Variants in ZNF850 observed in about 807,000 individuals in gnomAD.
ZNF850 encodes the protein zinc finger protein 850.
A neutral mutation model predicts 11.9 loss-of-function variants in ZNF850; 2 were observed. The observed-to-expected ratio is 0.17, with a 90% confidence interval of 0.07 to 0.53. The LOEUF (loss-of-function observed/expected upper bound fraction) is 0.53. Among genes scored for constraint, ZNF850 ranks in the 20% least tolerant of loss-of-function variants. ZNF850 has a pLI of 0.94. For synonymous variants in ZNF850, 381 were observed against 443.0 expected, an observed-to-expected ratio of 0.86 and a Z score of 1.76; for missense variants, 1,014 against 1,316.4, an observed-to-expected ratio of 0.77 and a Z score of 3.55.
chr19:36,747,497 G>A lies in ZNF850; in HGVS notation c.*270C>T, dbSNP rs768565184. On this transcript the variant is annotated 3_prime_UTR_variant, in exon 5 of 5. Coordinates refer to ENST00000591344, the MANE Select transcript of ZNF850 (RefSeq NM_001193552.2). Reference sequence around the variant, plus strand: ...ACAAAAACAAAAAAATTAGCCAGGCGTGGTGGCAGGTACCTGTAGTCCCAG... The same window carrying A: ...ACAAAAACAAAAAAATTAGCCAGGCATGGTGGCAGGTACCTGTAGTCCCAG... 21 of 283,400 alleles carry A rather than the reference G, an allele frequency of 7.4e-5. No individual in the cohort carries two copies. Among genetic ancestry groups the A allele is most frequent in the African/African-American group, 2.4e-4 (11 of 45,780 alleles). 17.6% of individuals were successfully genotyped at this position (283,400 alleles called of 1,614,324 possible). A position where few individuals can be genotyped will look rare whatever the true frequency, so the allele number is the denominator to read the frequency against.
At chr19:36,772,203 T>A (rs1290753868) in intron 1 of ZNF850, among the ~76,000 whole-genome samples, 3 of 152,182 alleles carry the variant, frequency 2.0e-5, no homozygotes, top group African/African-American at 7.2e-5. Context: ...TCCTTATGTA[T>A]GCCTGCAGCC....
At chr19:36,755,400 T>C (rs2040479666) in intron 4 of ZNF850, among the ~76,000 whole-genome samples, 1 of 152,058 alleles carries the variant, frequency 6.6e-6, no homozygotes, top group South Asian at 2.1e-4. Flanking sequence ...CTAATTTTTG[T>C]ATTTTTAGTA....
rs371664238 is a variant in ZNF850 at position 36,753,518 on chromosome 19, G to A, written c.236-2714C>T. ...TAAGGCGGGAGGATCACCTGAGCCC[G>A]GAAAGTCAATGCTGCAATGAGCTGT... On this transcript the variant is annotated intron_variant, in intron 4 of 4. Coordinates refer to ENST00000591344, the MANE Select transcript of ZNF850 (RefSeq NM_001193552.2). 6.9e-4 allele frequency among the ~76,000 whole-genome samples: 101 copies of A among 147,354 alleles called. 2 individuals are homozygous for A. The highest frequency in any genetic ancestry group is 4.5e-3 in the Admixed American group (65 of 14,482).
At chr19:36,764,563 T>C (rs2040538312) in intron 1 of ZNF850, among the ~76,000 whole-genome samples, 1 of 152,134 alleles carries the variant, frequency 6.6e-6, no homozygotes, top group African/African-American at 2.4e-5. Flanking sequence ...ATAGAAGGCA[T>C]TTTCCAAAGA....
intron 4 of ZNF850, 39 bp from the exon 5 acceptor site, chr19:36,750,843 T>C: frequency 6.9e-7 from 1 of 1,455,156 alleles, no homozygotes; most frequent in Non-Finnish European, 9.0e-7. Flanking sequence ...AGCATTTCCT[T>C]GTTGAGTAGA....
At chr19:36,754,859 G>A (rs2040476344) in intron 4 of ZNF850, among the ~76,000 whole-genome samples, 1 of 152,182 alleles carries the variant, frequency 6.6e-6, no homozygotes, top group East Asian at 1.9e-4. Context: ...ACGGCTGATT[G>A]TGGGAGATTT....
rs964580391 is a variant in ZNF850, at chr19:36,747,387, G to A, written c.*380C>T. ...TTATCAATTTCTTTCAGTATTAAAT[G>A]TCCTAATTTTGGTGGGTGGATCACC... On this transcript the variant is annotated 3_prime_UTR_variant, in exon 5 of 5. Coordinates refer to ENST00000591344, the MANE Select transcript of ZNF850 (RefSeq NM_001193552.2). The A allele has an allele frequency of 6.0e-6, 1 of 167,100 alleles. No individual in the cohort carries two copies. The highest frequency in any genetic ancestry group is 1.3e-5 in the Non-Finnish European group (1 of 76,834). 10.4% of individuals were successfully genotyped at this position (167,100 alleles called of 1,614,324 possible).
rs1022619023 is a variant in ZNF850, at chr19:36,764,766, G to A, written c.-69-2091C>T. Among the ~76,000 whole-genome samples the A allele has an allele frequency of 5.7e-5, 7 of 123,720 alleles. No individual in the cohort carries two copies. The South Asian group carries it at 7.6e-4, about 13-fold the overall frequency. The allele number at this position is 123,720 out of a possible 152,430, so 81.2% of individuals were successfully genotyped here. On this transcript the variant is annotated intron_variant, in intron 1 of 4. Transcript: ENST00000591344. ...TTTTTTGAAGCAGTCTCGCTCTGTCGCCCAGGCTGAAGTGCCTGATCTCAG... is the reference window on the plus strand; with the variant it reads ...TTTTTTGAAGCAGTCTCGCTCTGTCACCCAGGCTGAAGTGCCTGATCTCAG...
Position 36,750,450 on chromosome 19 carries a change from T to C in ZNF850, c.590A>G (p.Tyr197Cys), listed in dbSNP as rs1037181517. The change falls in exon 5 of 5, where the codon TAT becomes TGT. Residue 197 changes from tyrosine to cysteine, a missense_variant. By Grantham distance (194) the Tyr-to-Cys change is radical (BLOSUM62 -2). Around this residue, in one of 2 missense-constraint regions of ZNF850, gnomAD observed 835 missense variants for 1,022.0 expected, o/e 0.82. Coordinates refer to ENST00000591344, the MANE Select transcript of ZNF850 (RefSeq NM_001193552.2). ...QQETHTGEKL[Y>C]KCKECGKAFH... ...GGCCTTCCCACACTCCTTACATTTA[T>C]AGAGTTTTTCACCAGTATGGGTTTC... 7.2e-6 allele frequency: 11 copies of C among 1,536,462 alleles called. No homozygotes were observed. Among genetic ancestry groups the C allele is most frequent in the Non-Finnish European group, 9.6e-6 (11 of 1,146,976 alleles).
In ZNF850 at chr19:36,745,973, A is replaced by G. The variant is rs542968302; in HGVS notation, c.*1794T>C. On this transcript the variant is annotated 3_prime_UTR_variant, in exon 5 of 5. Coordinates refer to ENST00000591344, the MANE Select transcript of ZNF850 (RefSeq NM_001193552.2). ...ATTTGGCCGACTTCTTTACTGCAAG[A>G]TGTTTTCTCAGCAAGGTCTTTATGA... 3 of 152,294 alleles carry G rather than the reference A, an allele frequency of 2.0e-5. No homozygotes were observed. In the East Asian group the frequency reaches 5.8e-4, roughly 29 times the overall value. The allele number at this position is 152,294 out of a possible 1,614,324, so 9.4% of individuals were successfully genotyped here. A position where few individuals can be genotyped will look rare whatever the true frequency, so the allele number is the denominator to read the frequency against.
chr19:36,747,712 A>G lies in ZNF850; in HGVS notation c.*55T>C. 7.0e-7 allele frequency: 1 copy of G among 1,424,932 alleles called. No homozygotes were observed. The highest frequency in any genetic ancestry group is 9.2e-7 in the Non-Finnish European group (1 of 1,086,694). 88.3% of individuals were successfully genotyped at this position (1,424,932 alleles called of 1,614,324 possible). On this transcript the variant is annotated 3_prime_UTR_variant, in exon 5 of 5. Coordinates refer to ENST00000591344, the MANE Select transcript of ZNF850 (RefSeq NM_001193552.2). ...CACATCCATTGTATTTGACCCACAT[A>G]TGGAATCTGCTGATGATCCATGACA...
At chr19:36,752,579 C>A (rs1342406798) in intron 4 of ZNF850, among the ~76,000 whole-genome samples, 2 of 152,116 alleles carry the variant, frequency 1.3e-5, no homozygotes, top group South Asian at 2.1e-4. Flanking sequence ...TGGCTGCTAA[C>A]TTCACAAAAA....
chr19:36,749,155 G>A lies in ZNF850; in HGVS notation c.1885C>T (p.Arg629Cys), dbSNP rs548300280. 4.2e-5 allele frequency: 68 copies of A among 1,604,626 alleles called. 2 individuals are homozygous for A. The Middle Eastern group carries it at 6.6e-4, about 16-fold the overall frequency. Residue 629 changes from arginine to cysteine, a missense_variant, in exon 5 of 5, where the codon CGT becomes TGT. By Grantham distance (180) the Arg-to-Cys change is radical. This residue lies in a region of ZNF850 where 835 missense variants were observed against 1,022.0 expected (regional missense o/e 0.82). Coordinates refer to ENST00000591344, the MANE Select transcript of ZNF850 (RefSeq NM_001193552.2). ...TGTTGATGTTGAGTAAGTCGTAAAC[G>A]AAGTCTAAAGGCCTTCCCACATTCC... ...CKECGKAFRL[R>C]LRLTQHQQIH...
In ZNF850 at chr19:36,750,444, C is replaced by T. The variant is rs1317233025; in HGVS notation, c.596G>A (p.Cys199Tyr). The change falls in exon 5 of 5, where the codon TGT becomes TAT. Residue 199 changes from cysteine to tyrosine, a missense_variant. Coordinates refer to ENST00000591344, the MANE Select transcript of ZNF850 (RefSeq NM_001193552.2). ...ATGAAAGGCCTTCCCACACTCCTTA[C>T]ATTTATAGAGTTTTTCACCAGTATG... ...ETHTGEKLYK[C>Y]KECGKAFHHF... is the part of the protein sequence containing the mutation. 3.3e-6 allele frequency: 5 copies of T among 1,536,590 alleles called. No individual in the cohort carries two copies. In the Admixed American group the frequency reaches 5.9e-5, roughly 18 times the overall value.
Position 36,750,107 on chromosome 19 carries a change from A to G in ZNF850, c.933T>C (p.Cys311=). ...CAGTAAAAGATTTTCCACATTGCTT[A>G]CAATGATAGGGTTTCTCACCAGTGT... ...QIHTGEKPYH[C]KQCGKSFTVG... The change falls in exon 5 of 5, where the codon TGT becomes TGC. Residue 311 remains cysteine, a synonymous_variant. Coordinates refer to ENST00000591344, the MANE Select transcript of ZNF850 (RefSeq NM_001193552.2). 1.9e-6 allele frequency: 3 copies of G among 1,538,590 alleles called. No individual in the cohort carries two copies. Among genetic ancestry groups the G allele is most frequent in the Admixed American group, 2.0e-5 (1 of 50,986 alleles).
chr19:36,753,436 A>AAAAAG (rs2040466333), intron 4 of ZNF850, among the ~76,000 whole-genome samples: 1 of 146,884 alleles, frequency 6.8e-6, no homozygotes, highest in African/African-American at 2.5e-5. Flanking sequence ...AAAAAAAAAA[A>AAAAAG]AAAAAAAAAA....
Position 36,748,371 on chromosome 19 carries a change from A to G in ZNF850, c.2669T>C (p.Ile890Thr), listed in dbSNP as rs764275334. Residue 890 changes from isoleucine to threonine, a missense_variant, in exon 5 of 5, where the codon ATT (isoleucine) becomes ACT (threonine). Physicochemically the swap from Ile to Thr is moderately conservative, Grantham distance 89. Around this residue, in one of 2 missense-constraint regions of ZNF850, gnomAD observed 179 missense variants for 294.4 expected, o/e 0.61. Coordinates refer to ENST00000591344, the MANE Select transcript of ZNF850 (RefSeq NM_001193552.2). Reference sequence around the variant, plus strand: ...ATCATAGGGTTTCTCACCAGTGTGAATTCGCCGATGTTGGATTATTGCTGA... The same window carrying G: ...ATCATAGGGTTTCTCACCAGTGTGAGTTCGCCGATGTTGGATTATTGCTGA... ...FRSAIIQHRR[I>T]HTGEKPYDCK... The G allele has an allele frequency of 9.6e-6, 15 of 1,567,820 alleles. No individual in the cohort carries two copies. In the Admixed American group the frequency reaches 2.3e-4, roughly 24 times the overall value.
intron 4 of ZNF850, among the ~76,000 whole-genome samples, chr19:36,758,046 T>A (rs2040497356): frequency 6.6e-6 from 1 of 152,240 alleles, no homozygotes; most frequent in African/African-American, 2.4e-5. Context: ...ATTAGCCCCA[T>A]GTAGCTAGCG....
At chr19:36,757,270 G>T (rs957388934) in intron 4 of ZNF850, among the ~76,000 whole-genome samples, 1 of 152,142 alleles carries the variant, frequency 6.6e-6, no homozygotes, top group Admixed American at 6.6e-5. Context: ...TCGTGATTAT[G>T]TTGGAATTTC....
Sources: allele counts gnomAD v4.1 joint callset (sites outside exome capture counted in the v4.1 genomes callset), GRCh38; gene constraint gnomAD v4.1.1; regional missense constraint gnomAD v4.1.1; transcripts MANE v1.5; gene names NCBI Gene and HGNC (gene_info 2026-07-23, HGNC 2026-07-21).